RNF11: variants seen among roughly 807,000 people sequenced by gnomAD.
RNF11 encodes ring finger protein 11.
RNF11 carries 4 observed loss-of-function variants against 15.8 expected under a neutral mutation model. The observed-to-expected ratio is 0.25, with a 90% CI of 0.12 to 0.58. The LOEUF (loss-of-function observed/expected upper bound fraction) is 0.58, where lower values mean the gene tolerates loss of function less well. RNF11 is among the 20% of genes least tolerant of loss of function. The pLI is 0.91. For missense variants in RNF11, 139 were observed against 194.4 expected (o/e 0.71, Z 1.70); for synonymous variants, 68 against 72.3 (o/e 0.94, Z 0.30).
At position 51,250,921 on chromosome 1, in the gene RNF11, G is replaced by C. The variant is rs960935237; in HGVS notation, c.123+14042G>C. Reference sequence around the variant, plus strand: ...AGGTGCACCAGTGCAGAGCCGCAGCGGCCTGTCACCTTGCAAGGGACGGTG... The same window carrying C: ...AGGTGCACCAGTGCAGAGCCGCAGCCGCCTGTCACCTTGCAAGGGACGGTG... On this transcript the variant is annotated intron_variant, in intron 1 of 2. Transcript: ENST00000242719. The C allele has an allele frequency of 1.5e-5, 17 of 1,106,212 alleles. No individual in the cohort carries two copies. The South Asian group carries it at 2.2e-4, about 14-fold the overall frequency. The allele number at this position is 1,106,212 out of a possible 1,614,324, so 68.5% of individuals were successfully genotyped here. A position where few individuals can be genotyped will look rare whatever the true frequency, so the allele number is the denominator to read the frequency against.
chr1:51,256,150 A>G (rs981337988), intron 1 of RNF11, among the ~76,000 whole-genome samples: 7 of 152,170 alleles, frequency 4.6e-5, no homozygotes, highest in Non-Finnish European at 8.8e-5. Context: ...GCCATGTATA[A>G]TGACATGCAT....
chr1:51,267,602 C>T lies in RNF11; in HGVS notation c.124-2354C>T, dbSNP rs191392351. 2.4e-4 allele frequency among the ~76,000 whole-genome samples: 36 copies of T among 152,260 alleles called. No homozygotes were observed. The East Asian group carries it at 6.2e-3, about 26-fold the overall frequency. On this transcript the variant is annotated intron_variant, in intron 1 of 2. Coordinates refer to ENST00000242719, the MANE Select transcript of RNF11 (RefSeq NM_014372.5). ...GAAGCTCATTTGGAGACTCAGTGCC[C>T]CAGGTACTGATTAGGCACCCACTGC...
At chr1:51,247,867 C>T (rs1341573594) in intron 1 of RNF11, among the ~76,000 whole-genome samples, 1 of 152,140 alleles carries the variant, frequency 6.6e-6, no homozygotes, top group Non-Finnish European at 1.5e-5. Flanking sequence ...AAGAAAGCAA[C>T]CCTCCAAATA....
chr1:51,241,507 T>G (rs2148064639), intron 1 of RNF11, among the ~76,000 whole-genome samples: 1 of 152,314 alleles, frequency 6.6e-6, no homozygotes, highest in South Asian at 2.1e-4. Flanking sequence ...AGCAATTGGT[T>G]TACACTAAGT....
At chr1:51,262,546 T>TTTTGTTTG (rs372272147) in intron 1 of RNF11, among the ~76,000 whole-genome samples, 2 of 151,956 alleles carry the variant, frequency 1.3e-5, no homozygotes, top group Non-Finnish European at 2.9e-5. Context: ...TTGGGCTTTT[T>TTTTGTTTG]TTTGTTTGTT....
At chr1:51,260,718 T>TA (rs763137484) in intron 1 of RNF11, among the ~76,000 whole-genome samples, 5 of 152,172 alleles carry the variant, frequency 3.3e-5, no homozygotes, top group Non-Finnish European at 7.3e-5. Flanking sequence ...CATCTGCTGT[T>TA]AGTGTGTCTG....
chr1:51,246,521 G>A (rs1646852262), intron 1 of RNF11, among the ~76,000 whole-genome samples: 1 of 152,152 alleles, frequency 6.6e-6, no homozygotes, highest in Non-Finnish European at 1.5e-5. Context: ...AATGAGCTGT[G>A]ATGGCACCAT....
chr1:51,245,352 T>G (rs1305415707), intron 1 of RNF11, among the ~76,000 whole-genome samples: 1 of 152,060 alleles, frequency 6.6e-6, no homozygotes, highest in African/African-American at 2.4e-5. Flanking sequence ...GGGGTCTCAC[T>G]ATATTGCCCA....
At chr1:51,248,427 C>T (rs1181728645) in intron 1 of RNF11, among the ~76,000 whole-genome samples, 3 of 151,864 alleles carry the variant, frequency 2.0e-5, no homozygotes, top group Admixed American at 6.6e-5. Context: ...GTGTCGAACT[C>T]CCGACCTCAG....
intron 1 of RNF11, chr1:51,251,338 G>A (rs559458371): frequency 4.0e-6 from 6 of 1,516,792 alleles, no homozygotes; most frequent in East Asian, 4.6e-5. Context: ...CGAGCTCCGC[G>A]GCCTCGGCCC....
intron 1 of RNF11, among the ~76,000 whole-genome samples, chr1:51,247,602 G>A (rs977537654): frequency 6.6e-6 from 1 of 152,114 alleles, no homozygotes; most frequent in Non-Finnish European, 1.5e-5. Context: ...AAGTTGAAAA[G>A]TAAAGTGATA....
chr1:51,241,757 G>C (rs371749869), intron 1 of RNF11, among the ~76,000 whole-genome samples: 83 of 152,260 alleles, frequency 5.5e-4, no homozygotes, highest in African/African-American at 1.9e-3. Flanking sequence ...CCCAGCGAAG[G>C]CAATCTTGGA....
intron 1 of RNF11, among the ~76,000 whole-genome samples, chr1:51,251,878 C>T (rs111954610): frequency 1.3e-5 from 2 of 151,932 alleles, no homozygotes; most frequent in Non-Finnish European, 2.9e-5. Context: ...CAGGAGTTTG[C>T]GACGAGCCTG....
At chr1:51,239,168 C>A (rs183172120) in intron 1 of RNF11, among the ~76,000 whole-genome samples, 1 of 152,122 alleles carries the variant, frequency 6.6e-6, no homozygotes, top group African/African-American at 2.4e-5. Flanking sequence ...GCCTCCTATC[C>A]CCTTTCTTAA....
chr1:51,263,904 A>G (rs140635771), intron 1 of RNF11, among the ~76,000 whole-genome samples: 1 of 152,216 alleles, frequency 6.6e-6, no homozygotes, highest in East Asian at 1.9e-4. Flanking sequence ...CTAAGGTGTT[A>G]CAGTTAATGG....
Position 51,236,838 on chromosome 1 carries a change from G to C in RNF11, c.82G>C (p.Glu28Gln). 1 of 1,612,862 alleles carries C rather than the reference G, an allele frequency of 6.2e-7. No homozygotes were observed. The highest frequency in any genetic ancestry group is 8.5e-7 in the Non-Finnish European group (1 of 1,179,436). Residue 28 changes from glutamate (E) to glutamine (Q), a missense_variant, in exon 1 of 3, where the codon GAG becomes CAG. Glu to Gln is a conservative substitution (Grantham distance 29). Transcript: ENST00000242719. Reference protein sequence around the residue: ...ESQSDRASFGEGTEPDQEPPP... With the variant: ...ESQSDRASFGQGTEPDQEPPP... ...TCAGTCCGACCGGGCTAGCTTTGGC[G>C]AGGGGACGGAGCCGGATCAGGAGCC... is the stretch of plus-strand genomic sequence containing the variant.
At chr1:51,261,768 A>G (rs1434724418) in intron 1 of RNF11, among the ~76,000 whole-genome samples, 1 of 151,776 alleles carries the variant, frequency 6.6e-6, no homozygotes, top group Non-Finnish European at 1.5e-5. Context: ...GCTTACTGCA[A>G]GCTCGTCCTC....
At chr1:51,246,996 A>AC (rs1553168665) in intron 1 of RNF11, among the ~76,000 whole-genome samples, 2,159 of 151,188 alleles carry the variant, frequency 0.014, 59 homozygotes, top group African/African-American at 0.049. Flanking sequence ...AAAAAAAAAA[A>AC]GGAAAAAATA....
In RNF11 at chr1:51,272,368, A is replaced by T. The variant is rs1646983189; in HGVS notation, c.*1046A>T. ...GTAGTGCTGAGGTTATTGAAGTTAT[A>T]CAAAACACATCTCAGTCTCTGTTTC... On this transcript the variant is annotated 3_prime_UTR_variant, in exon 3 of 3. Transcript: ENST00000242719. The T allele has an allele frequency of 6.6e-6, 1 of 152,660 alleles. No homozygotes were observed. Among genetic ancestry groups the T allele is most frequent in the South Asian group, 2.1e-4 (1 of 4,836 alleles). The allele number at this position is 152,660 out of a possible 1,614,324, so 9.5% of individuals were successfully genotyped here.
Sources: gnomAD v4.1 joint callset for allele counts (sites outside exome capture counted in the v4.1 genomes callset) on GRCh38, gnomAD v4.1.1 for gene constraint, MANE v1.5 for transcripts, NCBI Gene and HGNC (gene_info 2026-07-23, HGNC 2026-07-21) for gene names.